The following RASA2 variants were observed in gnomAD, a reference collection of about 807,000 sequenced individuals.
The protein encoded by RASA2 is ras GTPase-activating protein 2.
In RASA2, 155 loss-of-function variants were observed where a neutral mutation model predicts 118.2. That is an observed-to-expected ratio of 1.31 (90% CI 1.15 to 1.50). The LOEUF (loss-of-function observed/expected upper bound fraction) is 1.50. Among genes scored for constraint, RASA2 ranks in the 40% most tolerant of loss-of-function variants. The probability of loss-of-function intolerance (pLI) is 0.00; values close to 1 mark genes in which losing one functional copy is unlikely to be tolerated. For synonymous variants in RASA2, 353 were observed against 349.1 expected, an observed-to-expected ratio of 1.01 and a Z score of -0.12; for missense variants, 1,016 against 1,009.6, an observed-to-expected ratio of 1.01 and a Z score of -0.09.
intron 19 of RASA2, among the ~76,000 whole-genome samples, chr3:141,601,877 C>G (rs916393342): frequency 1.3e-5 from 2 of 152,076 alleles, no homozygotes; most frequent in African/African-American, 4.8e-5. Context: ...TCTTTGGTCT[C>G]CAAATCAGAT....
At chr3:141,598,578 A>G (rs930413291) in intron 19 of RASA2, among the ~76,000 whole-genome samples, 9 of 152,242 alleles carry the variant, frequency 5.9e-5, no homozygotes. Flanking sequence ...TAAAAGGCAT[A>G]TAGTGTTATA....
intron 19 of RASA2, among the ~76,000 whole-genome samples, chr3:141,604,851 C>G (rs973366485): frequency 6.6e-6 from 1 of 151,766 alleles, no homozygotes; most frequent in Non-Finnish European, 1.5e-5. Flanking sequence ...CACATGTATA[C>G]ATATGTAACA....
rs532536153 is a variant in RASA2 at position 141,615,032 on chromosome 3, T to A, written c.*2719T>A. ...TGTAAAGACAGAATTCTGCATAGCCTTTTAGGTGTTTTTACAGTATGTGAA... is the reference window on the plus strand; with the variant it reads ...TGTAAAGACAGAATTCTGCATAGCCATTTAGGTGTTTTTACAGTATGTGAA... On this transcript the variant is annotated 3_prime_UTR_variant, in exon 24 of 24. Transcript: ENST00000286364. 1.3e-5 allele frequency: 2 copies of A among 152,160 alleles called. No individual in the cohort carries two copies. The highest frequency in any genetic ancestry group is 2.4e-5 in the African/African-American group (1 of 41,446). 9.4% of individuals were successfully genotyped at this position (152,160 alleles called of 1,614,324 possible). A position where few individuals can be genotyped will look rare whatever the true frequency, so the allele number is the denominator to read the frequency against.
intron 1 of RASA2, among the ~76,000 whole-genome samples, chr3:141,499,897 GT>G (rs1048477035): frequency 1.3e-5 from 2 of 152,080 alleles, no homozygotes; most frequent in South Asian, 2.1e-4. Context: ...CCAATGTGTT[GT>G]TTTTTTAAAG....
intron 1 of RASA2, among the ~76,000 whole-genome samples, chr3:141,499,837 C>T (rs978206426): frequency 2.0e-5 from 3 of 152,168 alleles, no homozygotes; most frequent in African/African-American, 7.2e-5. Flanking sequence ...GACCCGCCCA[C>T]CTCGGCCTCC....
At chr3:141,558,862 T>C in intron 7 of RASA2, 24 bp from the exon 8 acceptor site, 5 of 1,532,120 alleles carry the variant, frequency 3.3e-6, no homozygotes, top group Non-Finnish European at 4.5e-6. Flanking sequence ...AAAAAAAATT[T>C]TTACTAAAAT....
chr3:141,546,913 T>G (rs2082494364), intron 5 of RASA2, among the ~76,000 whole-genome samples: 1 of 152,198 alleles, frequency 6.6e-6, no homozygotes, highest in African/African-American at 2.4e-5. Flanking sequence ...TTCTTCTGCA[T>G]ATGGATATCT....
intron 5 of RASA2, among the ~76,000 whole-genome samples, chr3:141,550,860 A>G (rs924352312): frequency 7.2e-5 from 11 of 152,198 alleles, no homozygotes; most frequent in African/African-American, 2.7e-4. Context: ...CTGTCTCAAA[A>G]ACTGAAGTAC....
intron 19 of RASA2, among the ~76,000 whole-genome samples, chr3:141,595,927 AAT>A (rs1192295673): frequency 6.6e-6 from 1 of 152,152 alleles, no homozygotes; most frequent in African/African-American, 2.4e-5. Flanking sequence ...CCTGTACTTG[AAT>A]ATTTTAATAG....
chr3:141,522,378 C>G (rs1054705847), intron 3 of RASA2, among the ~76,000 whole-genome samples: 5 of 152,082 alleles, frequency 3.3e-5, no homozygotes, highest in African/African-American at 1.2e-4. Context: ...TCCAGGGCTC[C>G]CATCTGGGTA....
intron 19 of RASA2, among the ~76,000 whole-genome samples, chr3:141,595,475 C>T (rs1399258215): frequency 6.6e-6 from 1 of 152,000 alleles, no homozygotes; most frequent in African/African-American, 2.4e-5. Flanking sequence ...CAACTTTTAC[C>T]AAATATGTTT....
intron 1 of RASA2, among the ~76,000 whole-genome samples, chr3:141,507,665 G>C (rs1200605862): frequency 6.6e-6 from 1 of 152,202 alleles, no homozygotes; most frequent in Non-Finnish European, 1.5e-5. Flanking sequence ...CTGCAGAATG[G>C]ATGCCTTGTG....
chr3:141,500,984 G>T (rs1463539201), intron 1 of RASA2, among the ~76,000 whole-genome samples: 1 of 152,128 alleles, frequency 6.6e-6, no homozygotes, highest in Non-Finnish European at 1.5e-5. Flanking sequence ...GCCCAGCAGA[G>T]ATTATTATGA....
intron 17 of RASA2, 86 bp downstream of exon 17, chr3:141,581,263 C>G: frequency 9.9e-7 from 1 of 1,010,762 alleles, no homozygotes; most frequent in South Asian, 3.7e-5. Context: ...TATTATCAAT[C>G]CCCAGTTTAA....
chr3:141,592,812 T>C (rs1018850319), intron 19 of RASA2, among the ~76,000 whole-genome samples: 7 of 150,684 alleles, frequency 4.6e-5, no homozygotes, highest in African/African-American at 1.7e-4. Flanking sequence ...GAACTCTTTT[T>C]GAGGAAAAAA....
chr3:141,573,133 A>G lies in RASA2; in HGVS notation c.1285-14A>G. The G allele has an allele frequency of 6.4e-7, 1 of 1,550,918 alleles. No homozygotes were observed. The highest frequency in any genetic ancestry group is 1.2e-5 in the South Asian group (1 of 81,284). On this transcript the variant is annotated splice_polypyrimidine_tract_variant and intron_variant, in intron 12 of 23. Transcript: ENST00000286364. ...CTTAGAAAAAAATCATTAACTGAAA[A>G]ATTTATTTTTCAGATATGTGACTCC...
intron 2 of RASA2, among the ~76,000 whole-genome samples, chr3:141,514,494 C>T (rs1259552416): frequency 6.6e-6 from 1 of 152,104 alleles, no homozygotes; most frequent in East Asian, 1.9e-4. Flanking sequence ...GTAGAGATTA[C>T]ATAGGTGTAT....
At chr3:141,508,309 A>G (rs993015182) in intron 1 of RASA2, among the ~76,000 whole-genome samples, 3 of 152,124 alleles carry the variant, frequency 2.0e-5, no homozygotes, top group Non-Finnish European at 2.9e-5. Context: ...AATAATGAAG[A>G]GTGGTCAAAT....
chr3:141,509,066 A>G (rs891822317), intron 1 of RASA2, among the ~76,000 whole-genome samples: 1 of 152,220 alleles, frequency 6.6e-6, no homozygotes, highest in African/African-American at 2.4e-5. Context: ...TGTTGTTTAT[A>G]AAGTGCCAAT....
Sources: gnomAD v4.1 joint callset for allele counts (sites outside exome capture counted in the v4.1 genomes callset) on GRCh38, gnomAD v4.1.1 for gene constraint, MANE v1.5 for transcripts, NCBI Gene and HGNC (gene_info 2026-07-23, HGNC 2026-07-21) for gene names.